COMMD10: variants seen among roughly 807,000 people sequenced by gnomAD.
COMMD10 encodes COMM domain containing 10.
In COMMD10, 33 loss-of-function variants were observed where a neutral mutation model predicts 28.9. That is an observed-to-expected ratio of 1.14 (90% CI 0.87 to 1.53). The LOEUF is 1.53. COMMD10 is among the 40% of genes most tolerant of loss of function. The probability of loss-of-function intolerance (pLI) is 0.00; values close to 1 mark genes in which losing one functional copy is unlikely to be tolerated. For missense variants in COMMD10, 310 were observed against 233.4 expected (o/e 1.33, Z -2.14); for synonymous variants, 110 against 81.7 (o/e 1.35, Z -1.87).
chr5:116,268,526 T>C (rs537913152), intron 5 of COMMD10, among the ~76,000 whole-genome samples: 1 of 152,068 alleles, frequency 6.6e-6, no homozygotes, highest in Admixed American at 6.5e-5. Context: ...GTTCAACCAT[T>C]GTGGAAGACA....
intron 4 of COMMD10, among the ~76,000 whole-genome samples, chr5:116,110,796 A>G (rs1032650067): frequency 1.3e-5 from 2 of 152,146 alleles, no homozygotes; most frequent in African/African-American, 4.8e-5. Flanking sequence ...AGCAGGAACA[A>G]GAGAGGAAGG....
At chr5:116,094,991 T>G (rs1469151901) in intron 4 of COMMD10, among the ~76,000 whole-genome samples, 1 of 152,190 alleles carries the variant, frequency 6.6e-6, no homozygotes, top group East Asian at 1.9e-4. Flanking sequence ...GAGAGTAGAA[T>G]GGTAGTCACC....
intron 5 of COMMD10, among the ~76,000 whole-genome samples, chr5:116,273,191 A>T (rs1252236189): frequency 1.3e-5 from 2 of 151,874 alleles, no homozygotes; most frequent in Admixed American, 1.3e-4. Flanking sequence ...GTTCAGACAT[A>T]CTGTAAAAAG....
At chr5:116,149,124 C>T (rs905381062) in intron 5 of COMMD10, among the ~76,000 whole-genome samples, 47 of 149,162 alleles carry the variant, frequency 3.2e-4, no homozygotes, top group African/African-American at 5.7e-4. Context: ...TTTGTTCTTG[C>T]GATAGTTTAC....
At chr5:116,118,634 A>AT (rs1490536378) in intron 4 of COMMD10, among the ~76,000 whole-genome samples, 2 of 151,996 alleles carry the variant, frequency 1.3e-5, no homozygotes, top group Non-Finnish European at 2.9e-5. Flanking sequence ...TGGTTCATTT[A>AT]TTTTATGGCT....
intron 5 of COMMD10, among the ~76,000 whole-genome samples, chr5:116,151,000 A>G (rs1752506647): frequency 6.6e-6 from 1 of 151,676 alleles, no homozygotes; most frequent in African/African-American, 2.4e-5. Context: ...TGGGTTTGTC[A>G]TAGATAGCTC....
At chr5:116,102,702 A>G (rs1184180285) in intron 4 of COMMD10, among the ~76,000 whole-genome samples, 1 of 152,178 alleles carries the variant, frequency 6.6e-6, no homozygotes, top group African/African-American at 2.4e-5. Flanking sequence ...GTTCTGGGGT[A>G]CATGTGCAGA....
intron 5 of COMMD10, among the ~76,000 whole-genome samples, chr5:116,278,250 C>G (rs1028537170): frequency 2.6e-5 from 4 of 151,756 alleles, no homozygotes; most frequent in African/African-American, 9.7e-5. Flanking sequence ...TAGTTTCTCA[C>G]TGTTAAAAAA....
At chr5:116,086,399 G>A (rs76261272) in intron 1 of COMMD10, among the ~76,000 whole-genome samples, 8,176 of 152,202 alleles carry the variant, frequency 0.054, 310 homozygotes, top group African/African-American at 0.11. Flanking sequence ...TTACAGGAAA[G>A]GTGCTGTGGC....
rs1753299241 is a variant in COMMD10 at position 116,170,736 on chromosome 5, A to G, written c.510+36558A>G. Among the ~76,000 whole-genome samples the G allele has an allele frequency of 2.6e-5, 4 of 152,320 alleles. No individual in the cohort carries two copies. In the South Asian group the frequency reaches 8.3e-4, roughly 32 times the overall value. On this transcript the variant is annotated intron_variant, in intron 5 of 6. Coordinates refer to ENST00000274458, the MANE Select transcript of COMMD10 (RefSeq NM_016144.4). Reference sequence around the variant, plus strand: ...ACCTGACAAAAACAAGGAATGGGGAAAGGGTATTCTATTTAATAAATTATG... The same window carrying G: ...ACCTGACAAAAACAAGGAATGGGGAGAGGGTATTCTATTTAATAAATTATG...
intron 5 of COMMD10, among the ~76,000 whole-genome samples, chr5:116,137,164 C>G (rs576444303): frequency 2.6e-5 from 4 of 151,950 alleles, no homozygotes; most frequent in Non-Finnish European, 5.9e-5. Context: ...ATTTGGTATT[C>G]TATTCTTTGT....
intron 5 of COMMD10, among the ~76,000 whole-genome samples, chr5:116,213,579 C>A (rs1316654780): frequency 1.3e-5 from 2 of 152,144 alleles, no homozygotes. Context: ...ATTTTCAAGT[C>A]TGTAACCCAT....
chr5:116,276,895 T>C (rs1750931437), intron 5 of COMMD10, among the ~76,000 whole-genome samples: 1 of 151,706 alleles, frequency 6.6e-6, no homozygotes, highest in African/African-American at 2.4e-5. Flanking sequence ...AGTTGGTGGA[T>C]AATAACTAAA....
chr5:116,150,056 T>A (rs1235893486), intron 5 of COMMD10, among the ~76,000 whole-genome samples: 4 of 152,128 alleles, frequency 2.6e-5, no homozygotes, highest in South Asian at 2.1e-4. Flanking sequence ...AAGGGATCCA[T>A]TTTCAGCTTT....
Position 116,090,330 on chromosome 5 carries a change from A to G in COMMD10, c.133-749A>G, listed in dbSNP as rs538051134. Among the ~76,000 whole-genome samples the G allele has an allele frequency of 1.9e-3, 291 of 152,300 alleles. 2 individuals are homozygous for G. Among genetic ancestry groups the G allele is most frequent in the African/African-American group, 6.6e-3 (275 of 41,570 alleles). ...TCCAGGGACTTTAAAAATATTTTAC[A>G]GTGTTTAGGGCAGTCCTGCACAAAG... On this transcript the variant is annotated intron_variant, in intron 2 of 6. Transcript: ENST00000274458.
intron 5 of COMMD10, among the ~76,000 whole-genome samples, chr5:116,282,500 A>T (rs536659272): frequency 1.3e-4 from 19 of 151,924 alleles, no homozygotes; most frequent in Non-Finnish European, 2.6e-4. Flanking sequence ...CATTGCTCTT[A>T]TGATAAAGAT....
chr5:116,254,404 G>T (rs1166724908), intron 5 of COMMD10, among the ~76,000 whole-genome samples: 1 of 149,748 alleles, frequency 6.7e-6, no homozygotes, highest in African/African-American at 2.5e-5. Flanking sequence ...TGTTAATTTT[G>T]GATCTTTCCT....
intron 5 of COMMD10, among the ~76,000 whole-genome samples, chr5:116,237,075 A>G (rs989310337): frequency 1.3e-5 from 2 of 152,164 alleles, no homozygotes; most frequent in Admixed American, 1.3e-4. Flanking sequence ...AGCTGACGTG[A>G]GCACTGAGCA....
intron 2 of COMMD10, among the ~76,000 whole-genome samples, chr5:116,088,040 C>G (rs2112705757): frequency 6.6e-6 from 1 of 152,188 alleles, no homozygotes; most frequent in South Asian, 2.1e-4. Flanking sequence ...GTTTCTCTTT[C>G]ACTTTTATTT....
Sources: gnomAD v4.1 joint callset for allele counts (sites outside exome capture counted in the v4.1 genomes callset) on GRCh38, gnomAD v4.1.1 for gene constraint, MANE v1.5 for transcripts, NCBI Gene and HGNC (gene_info 2026-07-23, HGNC 2026-07-21) for gene names.